USH2A: variants seen among roughly 807,000 people sequenced by gnomAD.
USH2A encodes usherin.
A neutral mutation model predicts 538.9 loss-of-function variants in USH2A; 443 were observed. The ratio of observed to expected loss-of-function variants is 0.82; its 90% CI spans 0.76 to 0.89. The LOEUF is 0.89. Among genes scored for constraint, USH2A ranks in the 40% least tolerant of loss-of-function variants. The pLI, the probability that USH2A is intolerant of heterozygous loss-of-function variation, is 0.00. For missense variants in USH2A, 6,633 were observed against 6,324.8 expected (o/e 1.05, Z -1.65); for synonymous variants, 2,413 against 2,273.5 (o/e 1.06, Z -1.75).
chr1:215,991,109 A>G (rs965269912), intron 35 of USH2A, among the ~76,000 whole-genome samples: 2 of 152,162 alleles, frequency 1.3e-5, no homozygotes, highest in African/African-American at 2.4e-5. Flanking sequence ...ATGGAAGTTA[A>G]TGAATTTCCT....
chr1:215,661,498 T>C (rs748246938), intron 64 of USH2A, among the ~76,000 whole-genome samples: 1 of 152,156 alleles, frequency 6.6e-6, no homozygotes, highest in Non-Finnish European at 1.5e-5. Flanking sequence ...ATTCTCTTAA[T>C]TCTACCCACA....
At chr1:216,202,519 G>A (rs2035022214) in intron 16 of USH2A, among the ~76,000 whole-genome samples, 1 of 152,188 alleles carries the variant, frequency 6.6e-6, no homozygotes, top group African/African-American at 2.4e-5. Context: ...CAAGGTAGTT[G>A]CTCTCCTTGG....
chr1:215,939,767 A>C (rs1238221068), intron 37 of USH2A, among the ~76,000 whole-genome samples: 1 of 151,440 alleles, frequency 6.6e-6, no homozygotes, highest in Non-Finnish European at 1.5e-5. Context: ...ATATTCCATA[A>C]TTTTTTTTTC....
rs145635550 is a variant in USH2A at position 215,809,290 on chromosome 1, T to C, written c.9739+4446A>G. Among the ~76,000 whole-genome samples, 380 of 152,232 alleles carry C rather than the reference T, an allele frequency of 2.5e-3. 1 individual carries two copies. Among genetic ancestry groups the C allele is most frequent in the African/African-American group, 8.7e-3 (360 of 41,554 alleles). The stretch of plus-strand genomic sequence containing the variant: ...GTTAATTAAACACCACTCAGGACAA[T>C]GGTGAGCTTAGAGGAAACATAGTAT... On this transcript the variant is annotated intron_variant, in intron 49 of 71. Transcript: ENST00000307340.
chr1:216,170,307 G>C (rs1273591113), intron 21 of USH2A, among the ~76,000 whole-genome samples: 2 of 151,904 alleles, frequency 1.3e-5, no homozygotes, highest in Admixed American at 6.6e-5. Flanking sequence ...AAGCATTTTA[G>C]TTCAACCATT....
Position 215,789,169 on chromosome 1 carries a change from T to C in USH2A, c.10182+890A>G, listed in dbSNP as rs964981440. On this transcript the variant is annotated intron_variant, in intron 51 of 71. Transcript: ENST00000307340. ...CACTACTTGATTCAGCATGGAGAAA[T>C]ATTGTCCTCATTAGAATAATTTAAC... 2.0e-5 allele frequency among the ~76,000 whole-genome samples: 3 copies of C among 152,186 alleles called. No individual in the cohort carries two copies. The East Asian group carries it at 5.8e-4, about 29-fold the overall frequency.
intron 55 of USH2A, among the ~76,000 whole-genome samples, chr1:215,773,466 C>G (rs1321659353): frequency 6.6e-6 from 1 of 151,740 alleles, no homozygotes; most frequent in Non-Finnish European, 1.5e-5. Flanking sequence ...TGCCTCCCCA[C>G]TTTACGGATG....
intron 61 of USH2A, among the ~76,000 whole-genome samples, chr1:215,715,082 C>T (rs6690621): frequency 0.025 from 3,766 of 152,136 alleles, 146 homozygotes; most frequent in African/African-American, 0.086. Context: ...ACCTATTAAC[C>T]CATCACCTAG....
At position 215,683,941 on chromosome 1, in the gene USH2A, G is replaced by T. The variant is rs938451491; in HGVS notation, c.12067-3565C>A. On this transcript the variant is annotated intron_variant, in intron 61 of 71. Coordinates refer to ENST00000307340, the MANE Select transcript of USH2A (RefSeq NM_206933.4). Reference sequence around the variant, plus strand: ...TTGTCTTTGTTCATTCTATGTCCACGTCCATATTGTACGTAATTCTACAAG... The same window carrying T: ...TTGTCTTTGTTCATTCTATGTCCACTTCCATATTGTACGTAATTCTACAAG... Among the ~76,000 whole-genome samples, 3 of 148,894 alleles carry T rather than the reference G, an allele frequency of 2.0e-5. No homozygotes were observed. In the Admixed American group the frequency reaches 2.1e-4, roughly 10 times the overall value.
intron 40 of USH2A, among the ~76,000 whole-genome samples, chr1:215,894,026 G>A (rs1466747828): frequency 6.6e-6 from 1 of 152,132 alleles, no homozygotes; most frequent in Non-Finnish European, 1.5e-5. Context: ...AAAATCAGAA[G>A]ATTATAAATG....
At chr1:216,070,975 C>A (rs987201897) in intron 29 of USH2A, among the ~76,000 whole-genome samples, 4 of 152,056 alleles carry the variant, frequency 2.6e-5, no homozygotes, top group Non-Finnish European at 5.9e-5. Context: ...AAAAGAACTG[C>A]AAAACCTTAC....
chr1:216,126,660 G>T (rs1173309387), intron 21 of USH2A, among the ~76,000 whole-genome samples: 1 of 151,856 alleles, frequency 6.6e-6, no homozygotes, highest in East Asian at 1.9e-4. Flanking sequence ...ATAGAATAAG[G>T]CCACAAAAAC....
At chr1:215,847,119 C>T (rs1428994116) in intron 44 of USH2A, among the ~76,000 whole-genome samples, 1 of 152,162 alleles carries the variant, frequency 6.6e-6, no homozygotes, top group East Asian at 1.9e-4. Context: ...TTCTCCTCTT[C>T]CTCCCAATTT....
chr1:216,030,418 T>A (rs11811577), intron 32 of USH2A, among the ~76,000 whole-genome samples: 1 of 51,112 alleles, frequency 2.0e-5, no homozygotes, highest in Non-Finnish European at 4.3e-5. Context: ...TATAGATATA[T>A]ATCACAGACA....
At chr1:215,986,840 T>A (rs1428252949) in intron 35 of USH2A, among the ~76,000 whole-genome samples, 2 of 152,172 alleles carry the variant, frequency 1.3e-5, no homozygotes, top group Non-Finnish European at 2.9e-5. Flanking sequence ...TTCGACAGCT[T>A]TATAAGATGC....
intron 61 of USH2A, among the ~76,000 whole-genome samples, chr1:215,725,424 T>A (rs997041561): frequency 6.6e-6 from 1 of 152,206 alleles, no homozygotes; most frequent in Admixed American, 6.5e-5. Flanking sequence ...AGGTGTCAGA[T>A]CATAAAGAGT....
At chr1:215,763,844 C>T (rs1016715455) in intron 56 of USH2A, among the ~76,000 whole-genome samples, 6 of 151,316 alleles carry the variant, frequency 4.0e-5, no homozygotes, top group Admixed American at 6.6e-5. Context: ...TTAAAAGGGA[C>T]GGGAAAGAAG....
At chr1:215,782,608 G>A in intron 53 of USH2A, 130 bp downstream of exon 53, 1 of 999,474 alleles carries the variant, frequency 1.0e-6, no homozygotes, top group Non-Finnish European at 1.5e-6. Context: ...CATAATTACA[G>A]TTCCCTTTAT....
chr1:216,304,915 G>C (rs778709427), intron 9 of USH2A, among the ~76,000 whole-genome samples: 25 of 151,958 alleles, frequency 1.6e-4, no homozygotes, highest in Non-Finnish European at 4.4e-5. Flanking sequence ...TAAATGTATT[G>C]AGACTTGTTT....
Sources: gnomAD v4.1 joint callset for allele counts (sites outside exome capture counted in the v4.1 genomes callset) on GRCh38, gnomAD v4.1.1 for gene constraint, MANE v1.5 for transcripts, NCBI Gene and HGNC (gene_info 2026-07-23, HGNC 2026-07-21) for gene names.